The following SIKE1 variants were observed in gnomAD, a reference collection of about 807,000 sequenced individuals.
SIKE1 encodes suppressor of IKK epsilon.
In SIKE1, 13 loss-of-function variants were observed where a neutral mutation model predicts 25.8. The observed-to-expected ratio is 0.50, with a 90% confidence interval of 0.33 to 0.80. The LOEUF is 0.80. SIKE1 is among the 30% of genes least tolerant of loss of function. The pLI, the probability that SIKE1 is intolerant of heterozygous loss-of-function variation, is 0.02. For missense variants in SIKE1, 222 were observed against 252.4 expected, an observed-to-expected ratio of 0.88 and a Z score of 0.82; for synonymous variants, 86 against 95.5, an observed-to-expected ratio of 0.90 and a Z score of 0.58.
intron 3 of SIKE1, among the ~76,000 whole-genome samples, chr1:114,776,964 A>G (rs1662260578): frequency 6.6e-6 from 1 of 152,220 alleles, no homozygotes; most frequent in African/African-American, 2.4e-5. Flanking sequence ...ACATGGATGA[A>G]GCTGGAAACC....
intron 2 of SIKE1, among the ~76,000 whole-genome samples, chr1:114,779,653 C>T (rs983114832): frequency 3.3e-5 from 5 of 152,028 alleles, no homozygotes; most frequent in African/African-American, 1.2e-4. Context: ...TATGTGAAAC[C>T]CCTCTGGTAA....
rs1328158735 is a variant in SIKE1 at position 114,772,410 on chromosome 1, G to A, written c.*1861C>T. The A allele has an allele frequency of 6.6e-6, 1 of 152,132 alleles. No homozygotes were observed. The highest frequency in any genetic ancestry group is 1.5e-5 in the Non-Finnish European group (1 of 68,038). The allele number at this position is 152,132 out of a possible 1,614,324, so 9.4% of individuals were successfully genotyped here. A position where few individuals can be genotyped will look rare whatever the true frequency, so the allele number is the denominator to read the frequency against. Reference sequence around the variant, plus strand: ...ATCTTCATAGCATTAACACCAGCCAGAATTTATATTATGTAGAGCACTAAA... The same window carrying A: ...ATCTTCATAGCATTAACACCAGCCAAAATTTATATTATGTAGAGCACTAAA... On this transcript the variant is annotated 3_prime_UTR_variant, in exon 5 of 5. Coordinates refer to ENST00000060969, the MANE Select transcript of SIKE1 (RefSeq NM_025073.3).
rs900684921 is a variant in SIKE1 at position 114,774,024 on chromosome 1, C to T, written c.*247G>A. 9.6e-6 allele frequency: 3 copies of T among 311,958 alleles called. No individual in the cohort carries two copies. Among genetic ancestry groups the T allele is most frequent in the Non-Finnish European group, 1.8e-5 (3 of 171,168 alleles). 19.3% of individuals were successfully genotyped at this position (311,958 alleles called of 1,614,324 possible). On this transcript the variant is annotated 3_prime_UTR_variant, in exon 5 of 5. Transcript: ENST00000060969. ...AAACATAGTTTATATAAATCAAGGT[C>T]CCAGAAATGAAAATTAAAAGTAGTC...
chr1:114,776,533 CATTACGA>C (rs1243057253), intron 3 of SIKE1, 74 bp from the exon 4 acceptor site: 1 of 952,722 alleles, frequency 1.0e-6, no homozygotes, highest in Admixed American at 2.0e-5. Context: ...AAAGCATGTG[CATTACGA>C]TTTTTAAAAG....
At chr1:114,776,256 A>C (rs1662235152) in intron 4 of SIKE1, 90 bp downstream of exon 4, 2 of 789,788 alleles carry the variant, frequency 2.5e-6, no homozygotes, top group Non-Finnish European at 4.3e-6. Flanking sequence ...AGAAAACATC[A>C]ATATATTACA....
At position 114,772,142 on chromosome 1, in the gene SIKE1, C is replaced by T. The variant is rs1662086691; in HGVS notation, c.*2129G>A. The T allele has an allele frequency of 6.6e-6, 1 of 152,126 alleles. No homozygotes were observed. The highest frequency in any genetic ancestry group is 6.6e-5 in the Admixed American group (1 of 15,256). 9.4% of individuals were successfully genotyped at this position (152,126 alleles called of 1,614,324 possible). A position where few individuals can be genotyped will look rare whatever the true frequency, so the allele number is the denominator to read the frequency against. ...TGCTAATTACAAAGTATTTATGACT[C>T]TTGTGAGGACCACTTGACAAGGTTG... is the stretch of plus-strand genomic sequence containing the variant. On this transcript the variant is annotated 3_prime_UTR_variant, in exon 5 of 5. Transcript: ENST00000060969.
rs1044045099 is a variant in SIKE1 at position 114,769,714 on chromosome 1, C to T, written c.*4557G>A. On this transcript the variant is annotated 3_prime_UTR_variant, in exon 5 of 5. Coordinates refer to ENST00000060969, the MANE Select transcript of SIKE1 (RefSeq NM_025073.3). The stretch of plus-strand genomic sequence containing the variant: ...TATAAAATAAGTCACTTTAGGGATA[C>T]ATATGTATTTTAGGTCTTTCTACAT... 6.6e-6 allele frequency: 1 copy of T among 151,940 alleles called. No homozygotes were observed. Among genetic ancestry groups the T allele is most frequent in the Non-Finnish European group, 1.5e-5 (1 of 67,986 alleles). The allele number at this position is 151,940 out of a possible 1,614,324, so 9.4% of individuals were successfully genotyped here.
chr1:114,780,259 C>A (rs1027463308), intron 1 of SIKE1, 44 bp from the exon 2 acceptor site: 1 of 1,564,826 alleles, frequency 6.4e-7, no homozygotes, highest in Non-Finnish European at 8.8e-7. Context: ...AAGAGAACAG[C>A]GGCAGATGCA....
rs1396217836 is a variant in SIKE1, at chr1:114,771,501, C to G, written c.*2770G>C. On this transcript the variant is annotated 3_prime_UTR_variant, in exon 5 of 5. Transcript: ENST00000060969. Reference sequence around the variant, plus strand: ...CCACCTCCTTGTGCCTGAGTATCTGCAAAATGAGGTACAGTTAAAATGGAG... The same window carrying G: ...CCACCTCCTTGTGCCTGAGTATCTGGAAAATGAGGTACAGTTAAAATGGAG... The G allele has an allele frequency of 6.6e-6, 1 of 152,122 alleles. No homozygotes were observed. The highest frequency in any genetic ancestry group is 6.6e-5 in the Admixed American group (1 of 15,258). The allele number at this position is 152,122 out of a possible 1,614,324, so 9.4% of individuals were successfully genotyped here.
Position 114,780,490 on chromosome 1 carries a change from C to T in SIKE1, c.118G>A (p.Val40Ile). The T allele has an allele frequency of 6.2e-7, 1 of 1,613,464 alleles. No individual in the cohort carries two copies. Among genetic ancestry groups the T allele is most frequent in the African/African-American group, 1.3e-5 (1 of 75,044 alleles). Reference protein sequence around the residue: ...VDQSAALHRRVAAMREAGTAL... With the variant: ...VDQSAALHRRIAAMREAGTAL... ...GTCCCCGCCTCCCGCATAGCTGCTA[C>T]CCGCCGGTGCAGCGCCGCCGACTGA... The change falls in exon 1 of 5, where the codon GTA (valine) becomes ATA (isoleucine). Residue 40 changes from valine to isoleucine, a missense_variant. Physicochemically the swap from Val to Ile is conservative, Grantham distance 29. Transcript: ENST00000060969.
Position 114,773,496 on chromosome 1 carries a change from G to A in SIKE1, c.*775C>T, listed in dbSNP as rs1024010746. 4 of 152,010 alleles carry A rather than the reference G, an allele frequency of 2.6e-5. No individual in the cohort carries two copies. The highest frequency in any genetic ancestry group is 3.9e-4 in the East Asian group (2 of 5,184). 9.4% of individuals were successfully genotyped at this position (152,010 alleles called of 1,614,324 possible). ...TACTTATATTTGTTTTTTTTATTTT[G>A]TGTGTGTTTTTGGCTGATTATATTT... On this transcript the variant is annotated 3_prime_UTR_variant, in exon 5 of 5. Transcript: ENST00000060969.
chr1:114,778,079 T>C (rs1030918084), intron 3 of SIKE1, among the ~76,000 whole-genome samples: 5 of 152,230 alleles, frequency 3.3e-5, no homozygotes, highest in Non-Finnish European at 7.3e-5. Context: ...CATTCAAATA[T>C]TTAAAATATC....
intron 4 of SIKE1, 36 bp from the exon 5 acceptor site, chr1:114,774,408 T>C (rs1185777304): frequency 6.9e-7 from 1 of 1,449,380 alleles, no homozygotes; most frequent in East Asian, 2.4e-5. Context: ...TCTGGTATTT[T>C]TACTGTCCAA....
chr1:114,780,480 A>G lies in SIKE1; in HGVS notation c.128T>C (p.Met43Thr). Residue 43 changes from methionine to threonine, a missense_variant, in exon 1 of 5, where the codon ATG becomes ACG. By Grantham distance (81) the Met-to-Thr change is moderately conservative. Coordinates refer to ENST00000060969, the MANE Select transcript of SIKE1 (RefSeq NM_025073.3). The stretch of plus-strand genomic sequence containing the variant: ...CGGAAGCGCTGTCCCCGCCTCCCGC[A>G]TAGCTGCTACCCGCCGGTGCAGCGC... ...SAALHRRVAAMREAGTALPDQ... is the reference protein window; with the variant it reads ...SAALHRRVAATREAGTALPDQ... 1 of 1,613,346 alleles carries G rather than the reference A, an allele frequency of 6.2e-7. No homozygotes were observed. The highest frequency in any genetic ancestry group is 8.5e-7 in the Non-Finnish European group (1 of 1,180,016).
In SIKE1 at chr1:114,776,469, T is replaced by C. The variant is rs765285803; in HGVS notation, c.409-10A>G. The C allele has an allele frequency of 4.5e-6, 7 of 1,566,328 alleles. No individual in the cohort carries two copies. Among genetic ancestry groups the C allele is most frequent in the South Asian group, 3.3e-5 (3 of 90,036 alleles). ...TCTGACTCTCAATTTCCTGTGAAGA[T>C]ATTAAGGAAACAAAGGTGGAAAAAT... On this transcript the variant is annotated splice_polypyrimidine_tract_variant and intron_variant, in intron 3 of 4. Transcript: ENST00000060969.
rs756461218 is a variant in SIKE1, at chr1:114,773,008, TG to T, written c.*1262del. ...GCACTAACAACTCTTTTTAGTACTG[TG>T]TCTCTCCCATGCAGTATGGTGCTTA... On this transcript the variant is annotated 3_prime_UTR_variant, in exon 5 of 5. Transcript: ENST00000060969. 3.3e-5 allele frequency: 5 copies of T among 152,192 alleles called. No homozygotes were observed. The highest frequency in any genetic ancestry group is 4.4e-5 in the Non-Finnish European group (3 of 68,002). 9.4% of individuals were successfully genotyped at this position (152,192 alleles called of 1,614,324 possible).
chr1:114,779,155 T>C lies in SIKE1; in HGVS notation c.395A>G (p.Gln132Arg). 2.5e-6 allele frequency: 4 copies of C among 1,614,110 alleles called. No homozygotes were observed. The African/African-American group carries it at 5.3e-5, about 22-fold the overall frequency. Residue 132 changes from glutamine (Q) to arginine (R), a missense_variant, in exon 3 of 5, where the codon CAG becomes CGG. Transcript: ENST00000060969. ...VDAEPVLKAHQSHSAEIESQI... is the reference protein window; with the variant it reads ...VDAEPVLKAHRSHSAEIESQI... ...AAAGTTTCTTACTGCAGAGTGAGAC[T>C]GGTGAGCTTTCAGGACTGGTTCAGC... is the stretch of plus-strand genomic sequence containing the variant.
chr1:114,770,807 A>G lies in SIKE1; in HGVS notation c.*3464T>C, dbSNP rs1020172973. 1 of 152,270 alleles carries G rather than the reference A, an allele frequency of 6.6e-6. No homozygotes were observed. The highest frequency in any genetic ancestry group is 2.4e-5 in the African/African-American group (1 of 41,470). The allele number at this position is 152,270 out of a possible 1,614,324, so 9.4% of individuals were successfully genotyped here. A position where few individuals can be genotyped will look rare whatever the true frequency, so the allele number is the denominator to read the frequency against. On this transcript the variant is annotated 3_prime_UTR_variant, in exon 5 of 5. Coordinates refer to ENST00000060969, the MANE Select transcript of SIKE1 (RefSeq NM_025073.3). ...TCAAGGGGAAAGGACTTGACAATAT[A>G]AAGTCACAGACATGTCACAGTCACA... is the stretch of plus-strand genomic sequence containing the variant.
At chr1:114,778,380 A>G (rs1284901225) in intron 3 of SIKE1, among the ~76,000 whole-genome samples, 3 of 152,184 alleles carry the variant, frequency 2.0e-5, no homozygotes, top group African/African-American at 7.2e-5. Flanking sequence ...TCAGTTTATA[A>G]AAGGTTTACT....
Sources: gnomAD v4.1 joint callset for allele counts (sites outside exome capture counted in the v4.1 genomes callset) on GRCh38, gnomAD v4.1.1 for gene constraint, MANE v1.5 for transcripts, NCBI Gene and HGNC (gene_info 2026-07-23, HGNC 2026-07-21) for gene names.